PMPCB: variants seen among roughly 807,000 people sequenced by gnomAD.
PMPCB encodes the protein peptidase, mitochondrial processing subunit beta, also known as mitochondrial-processing peptidase subunit beta.
In PMPCB, 46 loss-of-function variants were observed where a neutral mutation model predicts 61.5. The ratio of observed to expected loss-of-function variants is 0.75; its 90% CI spans 0.59 to 0.96. The LOEUF is 0.96. PMPCB is among the 40% of genes least tolerant of loss of function. The pLI is 0.00. For synonymous variants in PMPCB, 191 were observed against 201.6 expected (o/e 0.95, Z 0.44); for missense variants, 590 against 602.4 (o/e 0.98, Z 0.22).
rs766572508 is a variant in PMPCB, at chr7:103,309,079, C to CTT, written c.980_981dup (p.Gly328LeufsTer5). On this transcript the variant is annotated frameshift_variant, in exon 8 of 13. Coordinates refer to ENST00000249269, the MANE Select transcript of PMPCB (RefSeq NM_004279.3). LOFTEE classifies it high-confidence loss of function. ...ACGCTGATTGGCAACTGGGATCGCT[C>CTT]TTTTGGGGGAGGAATGGTAAGTGAT... 6.2e-7 allele frequency: 1 copy of CTT among 1,602,470 alleles called. No homozygotes were observed. The highest frequency in any genetic ancestry group is 8.5e-7 in the Non-Finnish European group (1 of 1,174,554).
chr7:103,309,386 C>T, intron 8 of PMPCB: 1 of 205,564 alleles, frequency 4.9e-6, no homozygotes, highest in Non-Finnish European at 9.6e-6. Context: ...CCCTCTATAT[C>T]TGTGGGTTCC....
At chr7:103,319,458 GAA>G (rs1818260461), downstream of PMPCB, 2 of 830,680 alleles carry the variant, frequency 2.4e-6, no homozygotes. Context: ...CCAAAAAACC[GAA>G]CACATAAAAC....
At position 103,309,097 on chromosome 7, in the gene PMPCB, T is replaced by C; in HGVS notation, c.993+2T>C. ...GATCGCTCTTTTGGGGGAGGAATGG[T>C]AAGTGATTTTAAAAGAAATTTTCCA... is the stretch of plus-strand genomic sequence containing the variant. On this transcript the variant is annotated splice_donor_variant, in intron 8 of 12. Transcript: ENST00000249269. LOFTEE classifies it high-confidence loss of function. The C allele has an allele frequency of 6.3e-7, 1 of 1,583,970 alleles. No homozygotes were observed. Among genetic ancestry groups the C allele is most frequent in the Non-Finnish European group, 8.6e-7 (1 of 1,167,018 alleles).
Position 103,303,908 on chromosome 7 carries a change from G to T in PMPCB, c.524G>T (p.Arg175Leu). Residue 175 changes from arginine to leucine, a missense_variant, in exon 5 of 13, where the codon CGT (arginine) becomes CTT (leucine). Coordinates refer to ENST00000249269, the MANE Select transcript of PMPCB (RefSeq NM_004279.3). ...GGAGAAGCAGAGATTGAACGTGAGC[G>T]TGGAGTAATCCTTAGAGAGATGCAG... The part of the protein sequence containing the change: ...TLGEAEIERE[R>L]GVILREMQEV... 1 of 1,613,814 alleles carries T rather than the reference G, an allele frequency of 6.2e-7. No individual in the cohort carries two copies. Among genetic ancestry groups the T allele is most frequent in the Non-Finnish European group, 8.5e-7 (1 of 1,179,734 alleles).
In PMPCB at chr7:103,322,179, G is replaced by GA. The variant is rs1001671003; in HGVS notation, c.*1432-6746dup. 28 of 922,728 alleles carry GA rather than the reference G, an allele frequency of 3.0e-5. No homozygotes were observed. In the Admixed American group the frequency reaches 5.8e-4, roughly 19 times the overall value. 57.2% of individuals were successfully genotyped at this position (922,728 alleles called of 1,614,324 possible). On this transcript the variant is annotated intron_variant and NMD_transcript_variant, in intron 12 of 12. Transcript: ENST00000444457. Reference sequence around the variant, plus strand: ...TTAAACTTTTAATAAATTATATTAGGAAAAAAGGCAACATAAACTTATTGA... The same window carrying GA: ...TTAAACTTTTAATAAATTATATTAGGAAAAAAAGGCAACATAAACTTATTGA...
At chr7:103,314,903 C>G (rs941953945), downstream of PMPCB, among the ~76,000 whole-genome samples, 2 of 152,100 alleles carry the variant, frequency 1.3e-5, no homozygotes. Context: ...ATTGGTGGCT[C>G]ACAAAACATG....
At chr7:103,309,380 C>T (rs1414256174) in intron 8 of PMPCB, 2 of 214,752 alleles carry the variant, frequency 9.3e-6, no homozygotes, top group African/African-American at 4.6e-5. Flanking sequence ...AGTAGGCCCT[C>T]TATATCTGTG....
intron 12 of PMPCB, chr7:103,320,749 A>G (rs1818347181): frequency 8.8e-6 from 1 of 113,846 alleles, no homozygotes; most frequent in Admixed American, 8.8e-5. Flanking sequence ...GTCACAAAAT[A>G]TATATATATA....
the PMPCB span, chr7:103,344,513 AGG>A: frequency 6.2e-7 from 1 of 1,607,458 alleles, no homozygotes; most frequent in Admixed American, 1.7e-5. Context: ...GGACTGAGGC[AGG>A]GGCAGCTGAG....
At chr7:103,319,683 AG>A, downstream of PMPCB, 1 of 1,614,006 alleles carries the variant, frequency 6.2e-7, no homozygotes, top group Non-Finnish European at 8.5e-7. Flanking sequence ...TGTAAGCTAA[AG>A]AAAAAAAAAG....
the PMPCB span, among the ~76,000 whole-genome samples, chr7:103,340,626 T>C: frequency 2.6e-5 from 4 of 152,192 alleles, no homozygotes; most frequent in African/African-American, 9.7e-5. Flanking sequence ...AAGGTCGAAG[T>C]GCACCAAATG....
At chr7:103,332,733 A>T (rs544110809), downstream of PMPCB, among the ~76,000 whole-genome samples, 1 of 151,906 alleles carries the variant, frequency 6.6e-6, no homozygotes, top group East Asian at 1.9e-4. Context: ...GGGCTCAAGC[A>T]CTATCTCAGC....
At chr7:103,325,514 C>T (rs1818659670) in intron 12 of PMPCB, among the ~76,000 whole-genome samples, 1 of 151,408 alleles carries the variant, frequency 6.6e-6, no homozygotes, top group Non-Finnish European at 1.5e-5. Context: ...TACTAGGTGG[C>T]GCCAAACCGC....
At chr7:103,317,641 A>G (rs967085680), downstream of PMPCB, among the ~76,000 whole-genome samples, 1 of 152,002 alleles carries the variant, frequency 6.6e-6, no homozygotes, top group Non-Finnish European at 1.5e-5. Context: ...TTCATAGTGC[A>G]GGTTCTTTTT....
chr7:103,342,282 T>C, the PMPCB span, among the ~76,000 whole-genome samples: 4 of 152,136 alleles, frequency 2.6e-5, no homozygotes, highest in Admixed American at 2.6e-4. Flanking sequence ...ACTACTTTAC[T>C]TTTAGACAAA....
chr7:103,327,619 A>G (rs530851449), intron 12 of PMPCB: 1 of 1,295,306 alleles, frequency 7.7e-7, no homozygotes, highest in South Asian at 1.2e-5. Flanking sequence ...AATAACAATT[A>G]CTATTAGAAA....
intron 8 of PMPCB, 186 bp downstream of exon 8, chr7:103,309,281 G>C: frequency 2.2e-6 from 1 of 454,994 alleles, no homozygotes; most frequent in Non-Finnish European, 3.7e-6. Context: ...TTTTTTCTTT[G>C]CCACAAAGTT....
chr7:103,318,527 T>G (rs1043062531), downstream of PMPCB, among the ~76,000 whole-genome samples: 1 of 152,190 alleles, frequency 6.6e-6, no homozygotes, highest in African/African-American at 2.4e-5. Context: ...TACACCTCAT[T>G]TACTATGGGC....
downstream of PMPCB, among the ~76,000 whole-genome samples, chr7:103,315,238 T>C (rs904177121): frequency 1.3e-5 from 2 of 151,638 alleles, no homozygotes; most frequent in Non-Finnish European, 2.9e-5. Flanking sequence ...CATTTTATTT[T>C]GAAATAATTT....
Sources: allele counts gnomAD v4.1 joint callset (sites outside exome capture counted in the v4.1 genomes callset), GRCh38; gene constraint gnomAD v4.1.1; transcripts MANE v1.5; gene names NCBI Gene and HGNC (gene_info 2026-07-23, HGNC 2026-07-21).